The following ZNF608 variants were observed in gnomAD, a reference collection of about 807,000 sequenced individuals.
ZNF608 encodes the protein zinc finger protein 608, also known as renal carcinoma antigen NY-REN-36.
In ZNF608, 12 loss-of-function variants were observed where a neutral mutation model predicts 109.0. The ratio of observed to expected loss-of-function variants is 0.11; its 90% confidence interval spans 0.07 to 0.18. ZNF608 has a LOEUF of 0.18. ZNF608 is among the 10% of genes least tolerant of loss of function. ZNF608 has a pLI of 1.00. For missense variants in ZNF608, 1,707 were observed against 1,879.3 expected (o/e 0.91, Z 1.70); for synonymous variants, 732 against 717.4 (o/e 1.02, Z -0.33).
intron 7 of ZNF608, among the ~76,000 whole-genome samples, chr5:124,641,958 C>T (rs1448016007): frequency 6.6e-6 from 1 of 152,210 alleles, no homozygotes; most frequent in African/African-American, 2.4e-5. Flanking sequence ...AAGGCCCCAT[C>T]CTCCCAAACC....
At chr5:124,645,066 C>A (rs1234929319) in intron 5 of ZNF608, among the ~76,000 whole-genome samples, 1 of 152,130 alleles carries the variant, frequency 6.6e-6, no homozygotes, top group Non-Finnish European at 1.5e-5. Flanking sequence ...ATATCTCACA[C>A]AGGTGAAAAG....
Position 124,649,661 on chromosome 5 carries a change from G to A in ZNF608, c.1199C>T (p.Thr400Met), listed in dbSNP as rs760694098. 4.3e-6 allele frequency: 7 copies of A among 1,609,942 alleles called. No homozygotes were observed. The highest frequency in any genetic ancestry group is 1.3e-5 in the African/African-American group (1 of 74,864). Residue 400 changes from threonine (T) to methionine (M), a missense_variant, in exon 4 of 10, where the codon ACG becomes ATG. Transcript: ENST00000513986. ...GCAGTCCAGTAGGGTTCCCACGTAC[G>A]TTTTGTTCCTCCACGTGACATTGAC... ...LVVNVTWRNK[T>M]YVGTLLDCTK...
chr5:124,643,729 T>G (rs1290074754), intron 6 of ZNF608, 46 bp from the exon 7 acceptor site: 2 of 1,581,660 alleles, frequency 1.3e-6, no homozygotes, highest in Non-Finnish European at 1.7e-6. Context: ...GGCTATATCT[T>G]TAAAAAAAAT....
chr5:124,744,983 C>T lies in ZNF608; in HGVS notation c.7G>A (p.Val3Met). Residue 3 changes from valine to methionine, a missense_variant, in exon 2 of 10, where the codon GTG (valine) becomes ATG (methionine). Around this residue, in one of 7 missense-constraint regions of ZNF608, gnomAD observed 18 missense variants for 20.9 expected, o/e 0.86. Coordinates refer to ENST00000513986, the MANE Select transcript of ZNF608 (RefSeq NM_020747.3). The surrounding 1 kb of genome is among the most constrained non-coding windows in gnomAD (Gnocchi z 4.5). MS[V>M]NISTAGKGVD... ...CCTTTTCCTGCAGTAGAAATGTTCA[C>T]TGACATCCTGAAGATGAGCTCTCTA... is the stretch of plus-strand genomic sequence containing the variant. 1 of 1,605,080 alleles carries T rather than the reference C, an allele frequency of 6.2e-7. No homozygotes were observed. Among genetic ancestry groups the T allele is most frequent in the South Asian group, 1.1e-5 (1 of 89,164 alleles).
Position 124,647,148 on chromosome 5 carries a change from T to C in ZNF608, c.3236A>G (p.Tyr1079Cys). The change falls in exon 5 of 10, where the codon TAT becomes TGT. Residue 1079 changes from tyrosine (Y) to cysteine (C), a missense_variant. Coordinates refer to ENST00000513986, the MANE Select transcript of ZNF608 (RefSeq NM_020747.3). ...GAGCCCATATGCATACTGGCCATAATAAAGTGACTGAGCCAGGGCAGGATG... is the reference window on the plus strand; with the variant it reads ...GAGCCCATATGCATACTGGCCATAACAAAGTGACTGAGCCAGGGCAGGATG... ...QRHPALAQSLYYGQYAYGLYM... is the reference protein window; with the variant it reads ...QRHPALAQSLCYGQYAYGLYM... 6.2e-7 allele frequency: 1 copy of C among 1,614,190 alleles called. No homozygotes were observed.
In ZNF608 at chr5:124,746,559, T is replaced by G; in HGVS notation, c.-548A>C. 1 of 985,420 alleles carries G rather than the reference T, an allele frequency of 1.0e-6. No individual in the cohort carries two copies. Among genetic ancestry groups the G allele is most frequent in the East Asian group, 1.1e-4 (1 of 8,812 alleles). The allele number at this position is 985,420 out of a possible 1,614,324, so 61.0% of individuals were successfully genotyped here. A position where few individuals can be genotyped will look rare whatever the true frequency, so the allele number is the denominator to read the frequency against. ...GAAAAAAGTTTTCCCAACTTCTCAT[T>G]CCGCCTTCAGTTCCAGACTTCAGAG... On this transcript the variant is annotated 5_prime_UTR_variant, in exon 1 of 10. Coordinates refer to ENST00000513986, the MANE Select transcript of ZNF608 (RefSeq NM_020747.3).
chr5:124,659,057 T>A (rs1387147041), intron 3 of ZNF608, among the ~76,000 whole-genome samples: 2 of 152,056 alleles, frequency 1.3e-5, no homozygotes, highest in Non-Finnish European at 2.9e-5. Context: ...ACTCCCACTG[T>A]CAGACTCAGG....
At chr5:124,679,329 C>A (rs763148214) in intron 3 of ZNF608, among the ~76,000 whole-genome samples, 1 of 152,094 alleles carries the variant, frequency 6.6e-6, no homozygotes, top group Non-Finnish European at 1.5e-5. Context: ...GAAGTCAAGT[C>A]ATGAGTTCAC....
chr5:124,678,531 T>G (rs1339377476), intron 3 of ZNF608, among the ~76,000 whole-genome samples: 1 of 152,222 alleles, frequency 6.6e-6, no homozygotes, highest in East Asian at 1.9e-4. Context: ...AACTTGGAAC[T>G]GCCATTCCCA....
At chr5:124,640,959 T>C (rs1052351028) in intron 8 of ZNF608, among the ~76,000 whole-genome samples, 8 of 152,190 alleles carry the variant, frequency 5.3e-5, no homozygotes, top group African/African-American at 1.9e-4. Context: ...GATCTTCTGA[T>C]TGTTATATTC....
At chr5:124,693,974 CT>C (rs746610497) in intron 3 of ZNF608, among the ~76,000 whole-genome samples, 20 of 60,968 alleles carry the variant, frequency 3.3e-4, no homozygotes, top group South Asian at 1.6e-3. Context: ...TTTCATTAAT[CT>C]TTTTTTTTTT....
intron 3 of ZNF608, among the ~76,000 whole-genome samples, chr5:124,678,205 A>G (rs6595537): frequency 0.13 from 19,581 of 152,050 alleles, 2,513 homozygotes; most frequent in African/African-American, 0.33. Flanking sequence ...CTTTTCCACC[A>G]CCAAAAAAGG....
chr5:124,694,780 C>T (rs539006792), intron 3 of ZNF608, among the ~76,000 whole-genome samples: 1 of 150,810 alleles, frequency 6.6e-6, no homozygotes, highest in East Asian at 2.0e-4. Flanking sequence ...TCCAAGTGTC[C>T]TCATTGTTCA....
chr5:124,712,283 T>C (rs978219696), intron 2 of ZNF608, among the ~76,000 whole-genome samples: 1 of 152,050 alleles, frequency 6.6e-6, no homozygotes, highest in Admixed American at 6.6e-5. Context: ...CAGCGGTCTG[T>C]TTCAGTTGGT....
chr5:124,718,211 T>C (rs1172808936), intron 2 of ZNF608, among the ~76,000 whole-genome samples: 1 of 152,204 alleles, frequency 6.6e-6, no homozygotes. Context: ...CTTGTACATC[T>C]TCCCACTGAA....
chr5:124,711,294 A>G (rs1753478633), intron 2 of ZNF608, among the ~76,000 whole-genome samples: 1 of 152,350 alleles, frequency 6.6e-6, no homozygotes, highest in East Asian at 1.9e-4. Context: ...TTTTATACAT[A>G]TAGAAACATA....
At chr5:124,738,437 T>A (rs927902410) in intron 2 of ZNF608, among the ~76,000 whole-genome samples, 1 of 152,162 alleles carries the variant, frequency 6.6e-6, no homozygotes, top group African/African-American at 2.4e-5. Flanking sequence ...AAGTTCAGAG[T>A]GCTGGCAATC....
chr5:124,637,885 A>C lies in ZNF608; in HGVS notation c.*15T>G. 1 of 1,610,700 alleles carries C rather than the reference A, an allele frequency of 6.2e-7. No homozygotes were observed. Among genetic ancestry groups the C allele is most frequent in the Admixed American group, 1.7e-5 (1 of 59,408 alleles). The stretch of plus-strand genomic sequence containing the variant: ...ATGTGATCCAGTCACATGACAATGT[A>C]CATGTCCAATCTTGTTATTCTCTGC... On this transcript the variant is annotated 3_prime_UTR_variant, in exon 10 of 10. Transcript: ENST00000513986.
chr5:124,670,832 C>G (rs769759513), intron 3 of ZNF608, among the ~76,000 whole-genome samples: 2 of 152,000 alleles, frequency 1.3e-5, no homozygotes, highest in East Asian at 3.8e-4. Context: ...CTGGGTCAGC[C>G]CTTATAAGTC....
Sources: gnomAD v4.1 joint callset for allele counts (sites outside exome capture counted in the v4.1 genomes callset) on GRCh38, gnomAD v4.1.1 for gene constraint, gnomAD v4.1.1 regional missense constraint, Gnocchi (gnomAD v3.1) non-coding constraint, MANE v1.5 for transcripts, NCBI Gene and HGNC (gene_info 2026-07-23, HGNC 2026-07-21) for gene names.